The following CSMD1 variants were observed in gnomAD, a reference collection of about 807,000 sequenced individuals.
CSMD1 encodes CUB and sushi domain-containing protein 1.
CSMD1 carries 213 observed loss-of-function variants against 417.5 expected under a neutral mutation model. That is an observed-to-expected ratio of 0.51 (90% CI 0.46 to 0.57). The LOEUF (loss-of-function observed/expected upper bound fraction) is 0.57, where lower values mean the gene tolerates loss of function less well. Among genes scored for constraint, CSMD1 ranks in the 20% least tolerant of loss-of-function variants. The probability of loss-of-function intolerance (pLI) is 0.00; values close to 1 mark genes in which losing one functional copy is unlikely to be tolerated. For missense variants in CSMD1, 6,923 were observed against 4,529.7 expected (o/e 1.53, Z -15.17); for synonymous variants, 2,862 against 1,736.8 (o/e 1.65, Z -16.11).
intron 62 of CSMD1, among the ~76,000 whole-genome samples, chr8:2,959,231 A>AGACAACAG (rs1803263384): frequency 2.0e-5 from 3 of 152,186 alleles, no homozygotes; most frequent in African/African-American, 7.2e-5. Context: ...AGCCTTCTGC[A>AGACAACAG]CAGCTGTGAC....
Position 3,387,633 on chromosome 8 carries a change from G to A in CSMD1, c.2643C>T (p.Asn881=), listed in dbSNP as rs370427726. ...DSCLDPGIPV[N]GHRHGGDFGI... is the part of the protein sequence containing the mutation. ...CAAAGTCTCCACCGTGGCGATGGCC[G>A]TTCACAGGGATGCCCGGGTCCAGGC... Residue 881 remains asparagine, a synonymous_variant, in exon 18 of 70, where the codon AAC becomes AAT. Transcript: ENST00000635120. The A allele has an allele frequency of 5.6e-6, 9 of 1,600,314 alleles. No homozygotes were observed. The highest frequency in any genetic ancestry group is 1.7e-5 in the Admixed American group (1 of 58,190).
intron 3 of CSMD1, among the ~76,000 whole-genome samples, chr8:4,130,264 T>C (rs1405618786): frequency 6.6e-6 from 1 of 152,180 alleles, no homozygotes; most frequent in Non-Finnish European, 1.5e-5. Context: ...AGGATGTCTA[T>C]ATTCATGCAA....
At chr8:4,853,563 C>A (rs1194083089) in intron 1 of CSMD1, among the ~76,000 whole-genome samples, 2 of 152,212 alleles carry the variant, frequency 1.3e-5, no homozygotes, top group Non-Finnish European at 2.9e-5. Flanking sequence ...CAGAAGGCTG[C>A]CACAAAGGTA....
chr8:4,224,472 T>C (rs1801227222), intron 3 of CSMD1, among the ~76,000 whole-genome samples: 1 of 151,762 alleles, frequency 6.6e-6, no homozygotes, highest in South Asian at 2.1e-4. Context: ...GAATAGTTGC[T>C]CTGACCCATC....
At chr8:4,229,937 C>T (rs929509430) in intron 3 of CSMD1, among the ~76,000 whole-genome samples, 1 of 152,144 alleles carries the variant, frequency 6.6e-6, no homozygotes, top group Non-Finnish European at 1.5e-5. Context: ...GAATATCTTA[C>T]ATTCTAATAT....
chr8:3,610,182 G>C (rs958988240), intron 8 of CSMD1, among the ~76,000 whole-genome samples: 3 of 152,206 alleles, frequency 2.0e-5, no homozygotes, highest in East Asian at 3.9e-4. Flanking sequence ...TAGTCCAGCA[G>C]CTTCCATATG....
At chr8:4,396,238 G>A (rs908948743) in intron 3 of CSMD1, among the ~76,000 whole-genome samples, 2 of 151,908 alleles carry the variant, frequency 1.3e-5, no homozygotes, top group African/African-American at 4.8e-5. Flanking sequence ...AAGGTAGGCA[G>A]ATCGCTTGAG....
At chr8:3,614,843 C>G (rs1584963716) in intron 8 of CSMD1, among the ~76,000 whole-genome samples, 1 of 152,220 alleles carries the variant, frequency 6.6e-6, no homozygotes, top group African/African-American at 2.4e-5. Context: ...GGTGAGAAAA[C>G]AGATGTGTGA....
chr8:4,270,104 A>T (rs1389897239), intron 3 of CSMD1, among the ~76,000 whole-genome samples: 1 of 152,214 alleles, frequency 6.6e-6, no homozygotes, highest in East Asian at 1.9e-4. Flanking sequence ...ATATTTCAGC[A>T]ATCTCTTTCT....
At position 4,589,631 on chromosome 8, in the gene CSMD1, T is replaced by C. The variant is rs538546429; in HGVS notation, c.302+47711A>G. The stretch of plus-strand genomic sequence containing the variant: ...TACTCAAAAAGTGTTCATTCTACAA[T>C]ACTATTAGGCAAGTGTGTTTGCACT... On this transcript the variant is annotated intron_variant, in intron 2 of 69. Transcript: ENST00000635120. Among the ~76,000 whole-genome samples the C allele has an allele frequency of 1.6e-4, 25 of 152,334 alleles. No individual in the cohort carries two copies. The South Asian group carries it at 5.2e-3, about 32-fold the overall frequency.
intron 18 of CSMD1, among the ~76,000 whole-genome samples, chr8:3,380,975 T>C (rs918132901): frequency 4.6e-5 from 7 of 152,158 alleles, no homozygotes; most frequent in South Asian, 2.1e-4. Context: ...GGGATGGTAC[T>C]TGAATGCACA....
chr8:3,930,887 C>A (rs1810092252), intron 5 of CSMD1, among the ~76,000 whole-genome samples: 1 of 150,448 alleles, frequency 6.6e-6, no homozygotes, highest in Non-Finnish European at 1.5e-5. Context: ...GTTTTAAAAC[C>A]TAACAAATGT....
At chr8:3,940,953 T>G (rs1311745609) in intron 5 of CSMD1, among the ~76,000 whole-genome samples, 1 of 151,916 alleles carries the variant, frequency 6.6e-6, no homozygotes, top group Non-Finnish European at 1.5e-5. Context: ...TACATATATG[T>G]CCAAATTGTC....
chr8:3,310,650 T>A (rs1805260858), intron 23 of CSMD1, among the ~76,000 whole-genome samples: 1 of 152,182 alleles, frequency 6.6e-6, no homozygotes, highest in African/African-American at 2.4e-5. Context: ...ATCCCTATGA[T>A]CAGTACCACT....
intron 1 of CSMD1, among the ~76,000 whole-genome samples, chr8:4,667,273 A>G (rs1804999318): frequency 6.6e-6 from 1 of 152,156 alleles, no homozygotes; most frequent in Non-Finnish European, 1.5e-5. Context: ...AGAAATCTTG[A>G]AATCAGAGTG....
chr8:3,650,809 G>A (rs1434719261), intron 7 of CSMD1, among the ~76,000 whole-genome samples: 3 of 151,920 alleles, frequency 2.0e-5, no homozygotes, highest in East Asian at 1.9e-4. Flanking sequence ...CTTTCTCATG[G>A]GTTCAAACAC....
chr8:4,029,105 G>C (rs530250472), intron 4 of CSMD1, among the ~76,000 whole-genome samples: 1 of 152,202 alleles, frequency 6.6e-6, no homozygotes, highest in South Asian at 2.1e-4. Context: ...AATGGTCAAG[G>C]AGTGTTTGTA....
intron 1 of CSMD1, among the ~76,000 whole-genome samples, chr8:4,808,576 T>C (rs1001475610): frequency 1.3e-5 from 2 of 152,148 alleles, no homozygotes; most frequent in African/African-American, 2.4e-5. Context: ...TAGACACTTA[T>C]CATAATGGGT....
chr8:3,819,577 C>T (rs936910487), intron 5 of CSMD1, among the ~76,000 whole-genome samples: 7 of 147,498 alleles, frequency 4.7e-5, no homozygotes, highest in Admixed American at 2.7e-4. Context: ...TATATAAACG[C>T]CAACATGCGT....
Sources: gnomAD v4.1 joint callset for allele counts (sites outside exome capture counted in the v4.1 genomes callset) on GRCh38, gnomAD v4.1.1 for gene constraint, MANE v1.5 for transcripts, NCBI Gene and HGNC (gene_info 2026-07-23, HGNC 2026-07-21) for gene names.